The following STIM1 variants were observed in gnomAD, a reference collection of about 807,000 sequenced individuals.
The protein encoded by STIM1 is stromal interaction molecule 1.
In STIM1, 25 loss-of-function variants were observed where a neutral mutation model predicts 74.7. That is an observed-to-expected ratio of 0.33 (90% confidence interval 0.24 to 0.47). The LOEUF (loss-of-function observed/expected upper bound fraction) is 0.47. Ranked by LOEUF, STIM1 falls within the 20% of genes least tolerant of loss-of-function variation. The pLI is 1.00. For missense variants in STIM1, 728 were observed against 920.8 expected (o/e 0.79, Z 2.71); for synonymous variants, 328 against 348.8 (o/e 0.94, Z 0.66).
At chr11:3,973,282 G>C in intron 2 of STIM1, 1 of 479,264 alleles carries the variant, frequency 2.1e-6, no homozygotes, top group Non-Finnish European at 4.1e-6. Context: ...CCACCTCCAC[G>C]ACCATCACCA....
In STIM1 at chr11:3,939,949, A is replaced by C. The variant is rs899449751; in HGVS notation, c.140-27603A>C. Reference sequence around the variant, plus strand: ...ATCATTCCAGTTGTGTTCCCTAAGGAGTGGGAAGGGAAAAAACACTCCACC... The same window carrying C: ...ATCATTCCAGTTGTGTTCCCTAAGGCGTGGGAAGGGAAAAAACACTCCACC... On this transcript the variant is annotated intron_variant, in intron 1 of 12. Coordinates refer to ENST00000526596, the MANE Select transcript of STIM1 (RefSeq NM_001382567.1). 4.6e-5 allele frequency among the ~76,000 whole-genome samples: 7 copies of C among 152,090 alleles called. No homozygotes were observed. The South Asian group carries it at 1.4e-3, about 31-fold the overall frequency.
chr11:4,043,475 A>G (rs1485694806), intron 3 of STIM1, among the ~76,000 whole-genome samples: 1 of 152,204 alleles, frequency 6.6e-6, no homozygotes, highest in African/African-American at 2.4e-5. Flanking sequence ...GTGAGAAAAC[A>G]TAATATAAAT....
chr11:3,886,984 A>T (rs1041321855), intron 1 of STIM1, among the ~76,000 whole-genome samples: 2 of 151,910 alleles, frequency 1.3e-5, no homozygotes, highest in Non-Finnish European at 2.9e-5. Context: ...GCCTGGCGAC[A>T]GAGCAAGACT....
chr11:4,015,220 A>G (rs1345994306), intron 2 of STIM1, among the ~76,000 whole-genome samples: 4 of 152,196 alleles, frequency 2.6e-5, no homozygotes, highest in South Asian at 2.1e-4. Flanking sequence ...TGCTTCCTTC[A>G]GGAGCTCTTG....
intron 1 of STIM1, among the ~76,000 whole-genome samples, chr11:3,900,988 C>G (rs2092332285): frequency 6.6e-6 from 1 of 152,176 alleles, no homozygotes; most frequent in Admixed American, 6.5e-5. Context: ...GTCAGGAGTT[C>G]AAGACTAGCC....
intron 3 of STIM1, among the ~76,000 whole-genome samples, chr11:4,029,184 C>T (rs1193243374): frequency 4.6e-5 from 7 of 151,862 alleles, no homozygotes; most frequent in East Asian, 1.9e-4. Flanking sequence ...AGCGAAACTC[C>T]GTCTCAAAAA....
In STIM1 at chr11:4,092,324, T is replaced by A. The variant is rs2094529359; in HGVS notation, c.*526T>A. 5.4e-6 allele frequency: 1 copy of A among 183,958 alleles called. No homozygotes were observed. The highest frequency in any genetic ancestry group is 2.3e-5 in the African/African-American group (1 of 42,812). 11.4% of individuals were successfully genotyped at this position (183,958 alleles called of 1,614,324 possible). On this transcript the variant is annotated 3_prime_UTR_variant, in exon 13 of 13. Coordinates refer to ENST00000526596, the MANE Select transcript of STIM1 (RefSeq NM_001382567.1). ...AGGGCCTAATCTTTGAAGTTTGTTC[T>A]TTGGTATTGATGTGGGTCAGAAGGA...
At chr11:3,914,177 T>G (rs1309738784) in intron 1 of STIM1, among the ~76,000 whole-genome samples, 1 of 152,208 alleles carries the variant, frequency 6.6e-6, no homozygotes, top group African/African-American at 2.4e-5. Context: ...ACTTTTTGTC[T>G]TCGTGAATTT....
chr11:4,076,102 T>G (rs2094435576), intron 7 of STIM1, among the ~76,000 whole-genome samples: 1 of 152,190 alleles, frequency 6.6e-6, no homozygotes, highest in African/African-American at 2.4e-5. Context: ...GAAAATATTT[T>G]CTCTCAGTCT....
intron 2 of STIM1, among the ~76,000 whole-genome samples, chr11:3,990,841 A>G (rs1351768947): frequency 6.6e-6 from 1 of 152,150 alleles, no homozygotes; most frequent in Non-Finnish European, 1.5e-5. Context: ...TTCACGGGGT[A>G]CATGTGCAGG....
intron 1 of STIM1, among the ~76,000 whole-genome samples, chr11:3,916,474 A>G (rs1055256766): frequency 2.1e-5 from 3 of 145,560 alleles, no homozygotes; most frequent in Non-Finnish European, 3.0e-5. Flanking sequence ...TTTTTTGACG[A>G]AGTCTCACTC....
intron 1 of STIM1, among the ~76,000 whole-genome samples, chr11:3,936,276 C>T (rs1389385680): frequency 6.6e-6 from 1 of 152,166 alleles, no homozygotes; most frequent in Non-Finnish European, 1.5e-5. Flanking sequence ...AGCTGTGCTA[C>T]CTTTCATCTC....
At chr11:4,010,982 C>T (rs1262322232) in intron 2 of STIM1, among the ~76,000 whole-genome samples, 4 of 151,998 alleles carry the variant, frequency 2.6e-5, no homozygotes, top group Non-Finnish European at 5.9e-5. Flanking sequence ...GGTTTTCTGT[C>T]CTTGTGATAT....
At chr11:3,937,757 T>A (rs2092952748) in intron 1 of STIM1, among the ~76,000 whole-genome samples, 1 of 152,080 alleles carries the variant, frequency 6.6e-6, no homozygotes, top group Non-Finnish European at 1.5e-5. Flanking sequence ...CAATTTTCCA[T>A]TTGGCTAAGT....
rs1207480830 is a variant in STIM1, at chr11:3,941,578, C to CAT, written c.140-25967_140-25966dup. Among the ~76,000 whole-genome samples the CAT allele has an allele frequency of 9.3e-5, 11 of 118,698 alleles. No individual in the cohort carries two copies. The South Asian group carries it at 1.4e-3, about 15-fold the overall frequency. 77.9% of individuals were successfully genotyped at this position (118,698 alleles called of 152,430 possible). ...GCAAATAGTATTGCCATAGAAGAAG[C>CAT]ATATATATGTGTGTGTGTGTGTGTG... On this transcript the variant is annotated intron_variant, in intron 1 of 12. Transcript: ENST00000526596.
chr11:3,894,704 A>C (rs2092003133), intron 1 of STIM1, among the ~76,000 whole-genome samples: 1 of 152,058 alleles, frequency 6.6e-6, no homozygotes, highest in African/African-American at 2.4e-5. Context: ...CTCAGGACAA[A>C]GAATGAAGGG....
At chr11:3,980,659 AAACAAC>A (rs368458291) in intron 2 of STIM1, among the ~76,000 whole-genome samples, 1 of 142,704 alleles carries the variant, frequency 7.0e-6, no homozygotes, top group South Asian at 2.2e-4. Context: ...GCCTGGAACA[AAACAAC>A]AACAACAACA....
intron 3 of STIM1, among the ~76,000 whole-genome samples, chr11:4,046,166 G>A (rs192445184): frequency 9.1e-5 from 13 of 142,176 alleles, no homozygotes; most frequent in Non-Finnish European, 1.7e-4. Flanking sequence ...CTGGGTTCCA[G>A]TGATTCTCAT....
chr11:3,926,727 T>A (rs2092793484), intron 1 of STIM1, among the ~76,000 whole-genome samples: 5 of 152,212 alleles, frequency 3.3e-5, no homozygotes, highest in Admixed American at 3.3e-4. Context: ...CAATAGAATT[T>A]TGTATCTGCA....
Sources: gnomAD v4.1 joint callset for allele counts (sites outside exome capture counted in the v4.1 genomes callset) on GRCh38, gnomAD v4.1.1 for gene constraint, MANE v1.5 for transcripts, NCBI Gene and HGNC (gene_info 2026-07-23, HGNC 2026-07-21) for gene names.